TLK1: variants seen among roughly 807,000 people sequenced by gnomAD.
TLK1 encodes the protein tousled like kinase 1.
TLK1 carries 24 observed loss-of-function variants against 105.3 expected under a neutral mutation model. That is an observed-to-expected ratio of 0.23 (90% confidence interval 0.17 to 0.32). The LOEUF is 0.32. Ranked by LOEUF, TLK1 falls within the 10% of genes least tolerant of loss-of-function variation. TLK1 has a pLI of 1.00. For missense variants in TLK1, 558 were observed against 910.5 expected (o/e 0.61, Z 4.98); for synonymous variants, 321 against 310.4 (o/e 1.03, Z -0.36).
At chr2:171,114,979 A>G (rs576457217) in intron 2 of TLK1, among the ~76,000 whole-genome samples, 2 of 152,322 alleles carry the variant, frequency 1.3e-5, no homozygotes, top group African/African-American at 2.4e-5. Flanking sequence ...CTACAAAACT[A>G]TAATAAATTT....
chr2:171,146,397 G>T (rs1244771727), intron 1 of TLK1, among the ~76,000 whole-genome samples: 1 of 152,010 alleles, frequency 6.6e-6, no homozygotes, highest in Admixed American at 6.6e-5. Flanking sequence ...CTCAAACCTT[G>T]TTATGACATC....
intron 3 of TLK1, among the ~76,000 whole-genome samples, chr2:171,061,549 T>A (rs540604339): frequency 2.0e-5 from 3 of 152,194 alleles, no homozygotes; most frequent in Non-Finnish European, 4.4e-5. Flanking sequence ...TCAAACATAC[T>A]TAGTGTATAA....
chr2:171,002,152 A>G (rs1239276781), intron 18 of TLK1, among the ~76,000 whole-genome samples: 1 of 152,100 alleles, frequency 6.6e-6, no homozygotes, highest in Non-Finnish European at 1.5e-5. Context: ...GACATTTTAA[A>G]AGCCAACCCT....
chr2:171,033,010 C>G (rs1575533945), intron 11 of TLK1, among the ~76,000 whole-genome samples: 1 of 152,134 alleles, frequency 6.6e-6, no homozygotes, highest in East Asian at 1.9e-4. Context: ...GAGTTCAAAA[C>G]CAGCCTGGGC....
chr2:171,147,628 G>A (rs1209845513), intron 1 of TLK1, among the ~76,000 whole-genome samples: 1 of 152,132 alleles, frequency 6.6e-6, no homozygotes, highest in East Asian at 1.9e-4. Flanking sequence ...GCAAAGAATA[G>A]GGACCAAATA....
intron 1 of TLK1, among the ~76,000 whole-genome samples, chr2:171,134,258 A>G (rs575007865): frequency 2.6e-5 from 4 of 152,326 alleles, no homozygotes; most frequent in Admixed American, 2.6e-4. Context: ...CTTTAAAAAC[A>G]ATTATGGAAT....
intron 1 of TLK1, among the ~76,000 whole-genome samples, chr2:171,227,040 A>G (rs1178010197): frequency 6.6e-6 from 1 of 152,180 alleles, no homozygotes; most frequent in Non-Finnish European, 1.5e-5. Context: ...TTTTGTTTTA[A>G]CTTTTCTCCT....
chr2:171,092,052 C>A (rs1325626632), intron 2 of TLK1, among the ~76,000 whole-genome samples: 1 of 151,570 alleles, frequency 6.6e-6, no homozygotes, highest in African/African-American at 2.4e-5. Context: ...TTTTAATCCA[C>A]TGGAGATCCC....
intron 1 of TLK1, among the ~76,000 whole-genome samples, chr2:171,177,205 G>A (rs1024743342): frequency 4.6e-5 from 7 of 151,912 alleles, no homozygotes; most frequent in Admixed American, 1.3e-4. Context: ...GCCGTGGCCC[G>A]ATCACAGCTC....
intron 1 of TLK1, among the ~76,000 whole-genome samples, chr2:171,205,174 C>T (rs1045946789): frequency 6.6e-6 from 1 of 152,030 alleles, no homozygotes; most frequent in Admixed American, 6.5e-5. Flanking sequence ...GATCATATGA[C>T]TGCACACCAG....
intron 1 of TLK1, among the ~76,000 whole-genome samples, chr2:171,171,533 C>T (rs1331607485): frequency 2.0e-5 from 3 of 148,286 alleles, no homozygotes; most frequent in Non-Finnish European, 4.5e-5. Context: ...ACAGTGAAGG[C>T]AAACACAGAG....
chr2:171,087,092 T>G (rs1471979551), intron 2 of TLK1, among the ~76,000 whole-genome samples: 1 of 152,122 alleles, frequency 6.6e-6, no homozygotes, highest in African/African-American at 2.4e-5. Context: ...GTCTCCAAAG[T>G]CACTGTAATG....
Position 171,049,893 on chromosome 2 carries a change from C to T in TLK1, c.901G>A (p.Gly301Arg), listed in dbSNP as rs1443934669. The T allele has an allele frequency of 1.2e-6, 2 of 1,613,738 alleles. No individual in the cohort carries two copies. Among genetic ancestry groups the T allele is most frequent in the East Asian group, 2.2e-5 (1 of 44,820 alleles). ...EKSMQDRLRL[G>R]HFTTVRHGAS... is the part of the protein sequence containing the mutation. ...CCATGTCTAACTGTTGTAAAGTGCC[C>T]GAGGCGTAATCGATCTTGCATACTC... The change falls in exon 10 of 21, where the codon GGG becomes AGG. Residue 301 changes from glycine (G) to arginine (R), a missense_variant. By Grantham distance (125) the Gly-to-Arg change is moderately radical. Around this residue, in one of 5 missense-constraint regions of TLK1, gnomAD observed 196 missense variants for 239.3 expected, o/e 0.82. Coordinates refer to ENST00000431350, the MANE Select transcript of TLK1 (RefSeq NM_012290.5).
At chr2:171,195,132 T>C (rs1264590107) in intron 1 of TLK1, among the ~76,000 whole-genome samples, 1 of 152,162 alleles carries the variant, frequency 6.6e-6, no homozygotes, top group Non-Finnish European at 1.5e-5. Flanking sequence ...ACCTTAAAGA[T>C]GTGAAACACT....
At chr2:171,028,516 C>T (rs1325986553) in intron 11 of TLK1, 111 bp from the exon 12 acceptor site, 1 of 711,288 alleles carries the variant, frequency 1.4e-6, no homozygotes, top group East Asian at 2.9e-5. Context: ...CAACTTTAAG[C>T]CCAAAATGTA....
chr2:171,036,750 T>C (rs1317630123), intron 11 of TLK1, among the ~76,000 whole-genome samples: 1 of 152,198 alleles, frequency 6.6e-6, no homozygotes, highest in Non-Finnish European at 1.5e-5. Context: ...GTCTCACTCA[T>C]ATCTCATTTA....
At chr2:171,066,100 CAT>C (rs1338866636) in intron 3 of TLK1, among the ~76,000 whole-genome samples, 6 of 152,194 alleles carry the variant, frequency 3.9e-5, no homozygotes, top group Non-Finnish European at 5.9e-5. Context: ...CTGAAATTCA[CAT>C]AGTCTGTCTC....
intron 1 of TLK1, among the ~76,000 whole-genome samples, chr2:171,197,876 A>T (rs886115217): frequency 3.3e-5 from 5 of 152,180 alleles, no homozygotes; most frequent in African/African-American, 1.2e-4. Context: ...CTAAAATTAA[A>T]ATGTGGGGTA....
At chr2:171,012,489 A>AT (rs1293234459) in intron 13 of TLK1, among the ~76,000 whole-genome samples, 2 of 151,844 alleles carry the variant, frequency 1.3e-5, no homozygotes, top group Non-Finnish European at 2.9e-5. Context: ...TTATTTATTT[A>AT]TTTTTTTATT....
Sources: allele counts gnomAD v4.1 joint callset (sites outside exome capture counted in the v4.1 genomes callset), GRCh38; gene constraint gnomAD v4.1.1; regional missense constraint gnomAD v4.1.1; transcripts MANE v1.5; gene names NCBI Gene and HGNC (gene_info 2026-07-23, HGNC 2026-07-21).